Variants in ZNF385D observed in about 807,000 individuals in gnomAD.
The protein encoded by ZNF385D is zinc finger protein 659.
ZNF385D carries 15 observed loss-of-function variants against 35.8 expected under a neutral mutation model. That is an observed-to-expected ratio of 0.42 (90% CI 0.28 to 0.64). The LOEUF is 0.64. Among genes scored for constraint, ZNF385D ranks in the 30% least tolerant of loss-of-function variants. The pLI is 0.23. For missense variants in ZNF385D, 474 were observed against 494.6 expected, an observed-to-expected ratio of 0.96 and a Z score of 0.39; for synonymous variants, 212 against 186.8, an observed-to-expected ratio of 1.13 and a Z score of -1.10.
chr3:21,827,541 T>C (rs1224401421), intron 3 of ZNF385D, among the ~76,000 whole-genome samples: 1 of 152,180 alleles, frequency 6.6e-6, no homozygotes, highest in East Asian at 1.9e-4. Flanking sequence ...CCACATGCTA[T>C]ACTAGAATGG....
chr3:21,750,887 A>G lies in ZNF385D; in HGVS notation c.22+8T>C, dbSNP rs1559583860. The G allele has an allele frequency of 1.2e-6, 2 of 1,614,214 alleles. No individual in the cohort carries two copies. The highest frequency in any genetic ancestry group is 1.7e-6 in the Non-Finnish European group (2 of 1,180,032). ...CCCCAGAATTACATCATCAGAGTGA[A>G]CACTCACCAAAATACATTATGTTTC... is the stretch of plus-strand genomic sequence containing the variant. On this transcript the variant is annotated splice_region_variant and intron_variant, in intron 1 of 7. Coordinates refer to ENST00000281523, the MANE Select transcript of ZNF385D (RefSeq NM_024697.3).
chr3:21,587,316 G>A (rs1226079812), intron 2 of ZNF385D, among the ~76,000 whole-genome samples: 2 of 152,156 alleles, frequency 1.3e-5, no homozygotes, highest in Admixed American at 6.6e-5. Flanking sequence ...GTTTCGTTTT[G>A]TAATAGTCCA....
At chr3:21,573,933 G>A (rs1407772109) in intron 2 of ZNF385D, among the ~76,000 whole-genome samples, 5 of 151,662 alleles carry the variant, frequency 3.3e-5, no homozygotes, top group South Asian at 2.1e-4. Context: ...GGTGGCGGGC[G>A]CTTGTAATCC....
At chr3:22,000,947 C>A (rs1695802089) in intron 3 of ZNF385D, among the ~76,000 whole-genome samples, 1 of 150,896 alleles carries the variant, frequency 6.6e-6, no homozygotes, top group Non-Finnish European at 1.5e-5. Context: ...AATTATCTGC[C>A]ATCATAAAAA....
At chr3:21,864,765 C>T (rs1313450490) in intron 3 of ZNF385D, among the ~76,000 whole-genome samples, 3 of 152,002 alleles carry the variant, frequency 2.0e-5, no homozygotes, top group Non-Finnish European at 4.4e-5. Flanking sequence ...TTGTTTAATT[C>T]TATTCATTGT....
chr3:22,044,318 A>G (rs566376041), intron 3 of ZNF385D, among the ~76,000 whole-genome samples: 2 of 152,130 alleles, frequency 1.3e-5, no homozygotes, highest in South Asian at 4.1e-4. Context: ...TTTTAAAACG[A>G]TTTCTCTAAT....
At chr3:22,215,585 C>T (rs1156289895) in intron 2 of ZNF385D, among the ~76,000 whole-genome samples, 1 of 152,004 alleles carries the variant, frequency 6.6e-6, no homozygotes, top group Non-Finnish European at 1.5e-5. Context: ...TGCTCTCAAA[C>T]CCTGTCTCCT....
At chr3:21,432,639 C>A (rs1369226890) in intron 5 of ZNF385D, among the ~76,000 whole-genome samples, 2 of 151,658 alleles carry the variant, frequency 1.3e-5, no homozygotes, top group African/African-American at 4.8e-5. Context: ...AAAAACACAT[C>A]TTTTGTAATA....
chr3:21,865,465 G>A (rs555085556), intron 3 of ZNF385D, among the ~76,000 whole-genome samples: 68 of 152,134 alleles, frequency 4.5e-4, no homozygotes, highest in South Asian at 3.1e-3. Context: ...TGGGTCCAGG[G>A]GGATAGAGTA....
chr3:21,575,654 C>A (rs2063475996), intron 2 of ZNF385D, among the ~76,000 whole-genome samples: 1 of 152,108 alleles, frequency 6.6e-6, no homozygotes, highest in Non-Finnish European at 1.5e-5. Flanking sequence ...TCTCTTTTTG[C>A]TGAACTCTCA....
intron 2 of ZNF385D, among the ~76,000 whole-genome samples, chr3:22,294,099 T>C (rs1702445924): frequency 6.6e-6 from 1 of 152,020 alleles, no homozygotes; most frequent in Non-Finnish European, 1.5e-5. Context: ...GAATACATAA[T>C]GATACTCTAA....
At chr3:22,095,088 C>CTTTTTTTTTT (rs10663641) in intron 3 of ZNF385D, among the ~76,000 whole-genome samples, 26 of 121,948 alleles carry the variant, frequency 2.1e-4, no homozygotes, top group Non-Finnish European at 3.3e-4. Flanking sequence ...TTCATTCTTT[C>CTTTTTTTTTT]TTTTTTTTTT....
chr3:21,586,014 A>G (rs1267666396), intron 2 of ZNF385D, among the ~76,000 whole-genome samples: 1 of 122,924 alleles, frequency 8.1e-6, no homozygotes, highest in Non-Finnish European at 1.7e-5. Context: ...ACAAAATTAA[A>G]TAAATATATT....
chr3:21,821,275 A>G (rs934817379), intron 3 of ZNF385D, among the ~76,000 whole-genome samples: 7 of 152,166 alleles, frequency 4.6e-5, no homozygotes, highest in Admixed American at 6.5e-5. Flanking sequence ...AATGCAGCAG[A>G]AAGTTAAGAA....
chr3:21,939,676 T>C (rs898361518), intron 3 of ZNF385D, among the ~76,000 whole-genome samples: 1 of 152,170 alleles, frequency 6.6e-6, no homozygotes, highest in African/African-American at 2.4e-5. Flanking sequence ...ATTAGAAATG[T>C]CTTAAAACAA....
At chr3:22,222,101 C>T (rs572594416) in intron 2 of ZNF385D, among the ~76,000 whole-genome samples, 90 of 152,062 alleles carry the variant, frequency 5.9e-4, no homozygotes, top group Non-Finnish European at 1.2e-4. Context: ...CTCACTCTCC[C>T]GAGTAGCTGG....
At chr3:21,953,510 A>G (rs1159952425) in intron 3 of ZNF385D, among the ~76,000 whole-genome samples, 1 of 152,080 alleles carries the variant, frequency 6.6e-6, no homozygotes, top group Non-Finnish European at 1.5e-5. Context: ...TACTTCTAAG[A>G]AAAGTTTTAT....
chr3:21,941,453 G>A (rs1575968758), intron 3 of ZNF385D, among the ~76,000 whole-genome samples: 1 of 136,478 alleles, frequency 7.3e-6, no homozygotes, highest in African/African-American at 2.7e-5. Flanking sequence ...TAAGCAGGAT[G>A]TTTTCTATGG....
At chr3:21,887,102 T>TC (rs1296764050) in intron 3 of ZNF385D, among the ~76,000 whole-genome samples, 1 of 152,092 alleles carries the variant, frequency 6.6e-6, no homozygotes, top group African/African-American at 2.4e-5. Flanking sequence ...AGATAAAAGG[T>TC]CCCTTCTTGA....
Sources: allele counts gnomAD v4.1 joint callset (sites outside exome capture counted in the v4.1 genomes callset), GRCh38; gene constraint gnomAD v4.1.1; transcripts MANE v1.5; gene names NCBI Gene and HGNC (gene_info 2026-07-23, HGNC 2026-07-21).